ADAM19: variants seen among roughly 807,000 people sequenced by gnomAD.
ADAM19 encodes ADAM metallopeptidase domain 19.
In ADAM19, 65 loss-of-function variants were observed where a neutral mutation model predicts 114.7. The ratio of observed to expected loss-of-function variants is 0.57; its 90% CI spans 0.46 to 0.70. The LOEUF (loss-of-function observed/expected upper bound fraction) is 0.70, where lower values mean the gene tolerates loss of function less well. ADAM19 is among the 30% of genes least tolerant of loss of function. The probability of loss-of-function intolerance (pLI) is 0.00; values close to 1 mark genes in which losing one functional copy is unlikely to be tolerated. For missense variants in ADAM19, 1,063 were observed against 1,204.7 expected, an observed-to-expected ratio of 0.88 and a Z score of 1.74; for synonymous variants, 466 against 460.5, an observed-to-expected ratio of 1.01 and a Z score of -0.15.
intron 5 of ADAM19, among the ~76,000 whole-genome samples, chr5:157,523,415 A>G (rs1428575056): frequency 1.3e-5 from 2 of 152,350 alleles, no homozygotes; most frequent in African/African-American, 4.8e-5. Context: ...TGTTAGGGTC[A>G]TGGGGTGGAT....
chr5:157,532,364 CA>C (rs987174985), intron 4 of ADAM19, among the ~76,000 whole-genome samples: 104 of 152,328 alleles, frequency 6.8e-4, no homozygotes, highest in African/African-American at 2.4e-3. Context: ...TTGAAATAAC[CA>C]TTTCAAGTGC....
At chr5:157,509,832 A>G (rs1448854373) in intron 8 of ADAM19, among the ~76,000 whole-genome samples, 3 of 152,222 alleles carry the variant, frequency 2.0e-5, no homozygotes, top group African/African-American at 7.2e-5. Context: ...TCATGTGGAA[A>G]AAGTTGTTCT....
Position 157,480,355 on chromosome 5 carries a change from G to T in ADAM19, c.*594C>A. The T allele has an allele frequency of 2.0e-6, 2 of 987,566 alleles. No individual in the cohort carries two copies. The highest frequency in any genetic ancestry group is 2.4e-6 in the Non-Finnish European group (2 of 831,472). 61.2% of individuals were successfully genotyped at this position (987,566 alleles called of 1,614,324 possible). A position where few individuals can be genotyped will look rare whatever the true frequency, so the allele number is the denominator to read the frequency against. On this transcript the variant is annotated 3_prime_UTR_variant, in exon 23 of 23. Transcript: ENST00000257527. ...GAATACAGGGATGCAGGGGTTTGGG[G>T]AGAGGTGGGAGGGGACGTGGCTTGT... is the stretch of plus-strand genomic sequence containing the variant.
At chr5:157,512,025 A>C (rs762362991) in intron 8 of ADAM19, among the ~76,000 whole-genome samples, 5 of 152,244 alleles carry the variant, frequency 3.3e-5, no homozygotes. Context: ...ACATGGGGGA[A>C]AGCAGAGTCA....
chr5:157,546,041 A>G (rs1236930779), intron 3 of ADAM19, among the ~76,000 whole-genome samples: 2 of 152,232 alleles, frequency 1.3e-5, no homozygotes, highest in African/African-American at 4.8e-5. Context: ...CGTGATGTGC[A>G]GGCACTATGC....
intron 7 of ADAM19, among the ~76,000 whole-genome samples, chr5:157,514,676 A>G (rs868755295): frequency 2.6e-5 from 4 of 152,020 alleles, no homozygotes; most frequent in Middle Eastern, 3.4e-3. Flanking sequence ...GTGTTCCATT[A>G]GAAATATCTG....
rs11466810 is a variant in ADAM19, at chr5:157,481,278, G to A, written c.2704-276C>T. 3.5e-3 allele frequency: 1,995 copies of A among 576,778 alleles called. 40 individuals are homozygous for A. The highest frequency in any genetic ancestry group is 0.033 in the African/African-American group (1,740 of 53,442). 35.7% of individuals were successfully genotyped at this position (576,778 alleles called of 1,614,324 possible). A position where few individuals can be genotyped will look rare whatever the true frequency, so the allele number is the denominator to read the frequency against. On this transcript the variant is annotated intron_variant, in intron 22 of 22. Transcript: ENST00000257527. ...CAGTCCATAGTTTTCTCAATGCCTC[G>A]TGGGAATACAGCATGGTCAGCCAGC... is the stretch of plus-strand genomic sequence containing the variant.
intron 3 of ADAM19, among the ~76,000 whole-genome samples, chr5:157,550,280 G>A (rs1757155090): frequency 6.6e-6 from 1 of 152,166 alleles, no homozygotes; most frequent in Non-Finnish European, 1.5e-5. Flanking sequence ...TGGCTTCTGA[G>A]TTCCTTCGCC....
In ADAM19 at chr5:157,496,934, G is replaced by A. The variant is rs1412864234; in HGVS notation, c.1554C>T (p.Cys518=). The A allele has an allele frequency of 1.6e-5, 25 of 1,596,272 alleles. No individual in the cohort carries two copies. The highest frequency in any genetic ancestry group is 2.7e-5 in the African/African-American group (2 of 73,884). Residue 518 remains cysteine, a synonymous_variant, in exon 14 of 23, where the codon TGC becomes TGT. Coordinates refer to ENST00000257527, the MANE Select transcript of ADAM19 (RefSeq NM_033274.5). ...GCTGGCACTGCTCCTGGTAGGTGAG[G>A]CACATGCCGTTGTAGCAGTAGGCCT... ...GGQAYCYNGM[C]LTYQEQCQQL...
intron 3 of ADAM19, among the ~76,000 whole-genome samples, chr5:157,554,540 C>T (rs969756230): frequency 6.6e-6 from 1 of 152,116 alleles, no homozygotes; most frequent in Non-Finnish European, 1.5e-5. Flanking sequence ...GCAGTGTTTT[C>T]GAGATACAAT....
At chr5:157,571,667 G>A (rs1757831322) in intron 1 of ADAM19, among the ~76,000 whole-genome samples, 1 of 152,186 alleles carries the variant, frequency 6.6e-6, no homozygotes, top group Admixed American at 6.5e-5. Context: ...GGGGTGGGGT[G>A]AGGCAGAGCG....
In ADAM19 at chr5:157,499,916, C is replaced by T. The variant is rs1026761077; in HGVS notation, c.1309-254G>A. Among the ~76,000 whole-genome samples the T allele has an allele frequency of 5.3e-5, 8 of 151,920 alleles. No homozygotes were observed. In the East Asian group the frequency reaches 1.5e-3, roughly 29 times the overall value. ...GCCTCAGCCTCCGAAGTAACTCAGA[C>T]CACAGGCACACCCCACCACACCTGG... On this transcript the variant is annotated intron_variant, in intron 12 of 22. Coordinates refer to ENST00000257527, the MANE Select transcript of ADAM19 (RefSeq NM_033274.5).
chr5:157,487,972 G>C (rs960975846), intron 21 of ADAM19, among the ~76,000 whole-genome samples: 5 of 152,166 alleles, frequency 3.3e-5, no homozygotes, highest in African/African-American at 1.2e-4. Context: ...CTAGCAGGCA[G>C]ACGAGCATGG....
At chr5:157,545,096 C>T (rs1027760372) in intron 3 of ADAM19, among the ~76,000 whole-genome samples, 4 of 152,154 alleles carry the variant, frequency 2.6e-5, no homozygotes, top group African/African-American at 4.8e-5. Flanking sequence ...GGTGCTTAGC[C>T]CTTTTTAAGC....
At chr5:157,525,032 A>C (rs1222847618) in intron 5 of ADAM19, among the ~76,000 whole-genome samples, 1 of 152,192 alleles carries the variant, frequency 6.6e-6, no homozygotes, top group Non-Finnish European at 1.5e-5. Context: ...AGGAGTTTGC[A>C]CTCCTCACCT....
At chr5:157,575,501 G>A in intron 1 of ADAM19, 102 bp downstream of exon 1, 1 of 853,512 alleles carries the variant, frequency 1.2e-6, no homozygotes, top group Non-Finnish European at 1.6e-6. Context: ...CCGCGGAGTT[G>A]CGGGAGGCGC....
chr5:157,513,529 G>C (rs1234652636), intron 7 of ADAM19, 24 bp from the exon 8 acceptor site: 2 of 1,607,424 alleles, frequency 1.2e-6, no homozygotes, highest in Non-Finnish European at 1.7e-6. Flanking sequence ...GCAGAACCAT[G>C]TGAGATCCCA....
intron 5 of ADAM19, 43 bp downstream of exon 5, chr5:157,530,763 TG>T (rs2113755593): frequency 1.3e-6 from 2 of 1,539,214 alleles, no homozygotes; most frequent in Non-Finnish European, 1.8e-6. Context: ...CTTCCATTCC[TG>T]GGGAGAGTGC....
chr5:157,499,962 A>G (rs1271084642), intron 12 of ADAM19, among the ~76,000 whole-genome samples: 1 of 150,572 alleles, frequency 6.6e-6, no homozygotes, highest in East Asian at 2.0e-4. Flanking sequence ...TATTTTTAAT[A>G]GCGATTGGGT....
Sources: allele counts gnomAD v4.1 joint callset (sites outside exome capture counted in the v4.1 genomes callset), GRCh38; gene constraint gnomAD v4.1.1; transcripts MANE v1.5; gene names NCBI Gene and HGNC (gene_info 2026-07-23, HGNC 2026-07-21).